ARHGEF10: variants seen among roughly 807,000 people sequenced by gnomAD.
ARHGEF10 encodes Rho guanine nucleotide exchange factor (GEF) 10.
Under a neutral mutation model 147.4 loss-of-function variants are expected in ARHGEF10, and 140 were observed. The ratio of observed to expected loss-of-function variants is 0.95; its 90% CI spans 0.83 to 1.09. ARHGEF10 has a LOEUF of 1.09. Ranked by LOEUF, ARHGEF10 falls within the 50% of genes least tolerant of loss-of-function variation. ARHGEF10 has a pLI of 0.00. For synonymous variants in ARHGEF10, 902 were observed against 695.8 expected, an observed-to-expected ratio of 1.30 and a Z score of -4.67; for missense variants, 2,222 against 1,752.7, an observed-to-expected ratio of 1.27 and a Z score of -4.78.
chr8:1,935,591 C>T (rs1329794523), intron 26 of ARHGEF10, among the ~76,000 whole-genome samples: 2 of 152,170 alleles, frequency 1.3e-5, no homozygotes, highest in Non-Finnish European at 2.9e-5. Flanking sequence ...TAGGGCAGCC[C>T]CTCCGGAGGG....
In ARHGEF10 at chr8:1,885,540, T is replaced by C. The variant is rs566719512; in HGVS notation, c.1076-61T>C. Reference sequence around the variant, plus strand: ...TTTATTTGACTTTTTTTTACTGTACTGTAGTGTTGTGAATATATTATTTGA... The same window carrying C: ...TTTATTTGACTTTTTTTTACTGTACCGTAGTGTTGTGAATATATTATTTGA... On this transcript the variant is annotated intron_variant, in intron 10 of 28. Transcript: ENST00000349830. 1.2e-4 allele frequency: 144 copies of C among 1,178,600 alleles called. 3 individuals carry two copies. The South Asian group carries it at 1.7e-3, about 14-fold the overall frequency. The allele number at this position is 1,178,600 out of a possible 1,614,324, so 73.0% of individuals were successfully genotyped here.
At chr8:1,912,971 G>A (rs776389205) in intron 18 of ARHGEF10, among the ~76,000 whole-genome samples, 4 of 152,270 alleles carry the variant, frequency 2.6e-5, no homozygotes, top group South Asian at 2.1e-4. Flanking sequence ...CTCACGTTGC[G>A]CTCCATCCTG....
At chr8:1,834,583 C>T (rs958048381) in intron 1 of ARHGEF10, among the ~76,000 whole-genome samples, 1 of 152,202 alleles carries the variant, frequency 6.6e-6, no homozygotes, top group African/African-American at 2.4e-5. Context: ...CCCTCCTTCC[C>T]TCCCTCTGTC....
At chr8:1,855,098 T>C (rs1323441996) in intron 2 of ARHGEF10, among the ~76,000 whole-genome samples, 8 of 152,182 alleles carry the variant, frequency 5.3e-5, no homozygotes, top group Admixed American at 3.3e-4. Context: ...TCCTTCTTCC[T>C]GTATGGGGTA....
intron 21 of ARHGEF10, 122 bp from the exon 22 acceptor site, chr8:1,925,161 C>T (rs139175483): frequency 9.3e-6 from 11 of 1,184,366 alleles, no homozygotes; most frequent in Non-Finnish European, 1.2e-5. Flanking sequence ...TAAAACATGG[C>T]GTTGTCTGGC....
chr8:1,918,891 C>T (rs770079823), intron 18 of ARHGEF10, among the ~76,000 whole-genome samples: 3 of 149,290 alleles, frequency 2.0e-5, no homozygotes, highest in Non-Finnish European at 4.4e-5. Context: ...GGTGATGGAG[C>T]TATTCTGTAA....
At chr8:1,866,404 C>CATAT (rs376913717) in intron 5 of ARHGEF10, 122 bp from the exon 6 acceptor site, 23 of 714,530 alleles carry the variant, frequency 3.2e-5, no homozygotes, top group Non-Finnish European at 5.2e-5. Flanking sequence ...TGTATAGTAA[C>CATAT]ATATATATAT....
intron 15 of ARHGEF10, among the ~76,000 whole-genome samples, chr8:1,902,242 A>T (rs977301132): frequency 1.3e-5 from 2 of 151,702 alleles, no homozygotes; most frequent in African/African-American, 4.9e-5. Context: ...TCTGAGAAAG[A>T]GTGTTTCAAG....
At chr8:1,826,084 TACGGATGC>T in intron 1 of ARHGEF10, 1 of 1,592,200 alleles carries the variant, frequency 6.3e-7, no homozygotes, top group Non-Finnish European at 8.5e-7. Context: ...CATCGGCAGT[TACGGATGC>T]ATAACTCTTT....
At chr8:1,856,536 C>T (rs969242145) in intron 2 of ARHGEF10, among the ~76,000 whole-genome samples, 5 of 152,162 alleles carry the variant, frequency 3.3e-5, no homozygotes, top group South Asian at 2.1e-4. Flanking sequence ...GTTTTTAGAC[C>T]GCTAGAGTTC....
intron 28 of ARHGEF10, among the ~76,000 whole-genome samples, 176 bp downstream of exon 28, chr8:1,953,003 AT>A (rs1815180225): frequency 6.6e-6 from 1 of 152,164 alleles, no homozygotes; most frequent in Admixed American, 6.5e-5. Context: ...CAATTTATAT[AT>A]TTTTCCATTT....
Position 1,865,521 on chromosome 8 carries a change from C to T in ARHGEF10, c.546-1005C>T, listed in dbSNP as rs1181383576. 4.0e-5 allele frequency among the ~76,000 whole-genome samples: 6 copies of T among 151,530 alleles called. 1 individual carries two copies. The highest frequency in any genetic ancestry group is 8.8e-5 in the Non-Finnish European group (6 of 67,830). On this transcript the variant is annotated intron_variant, in intron 5 of 28. Transcript: ENST00000349830. ...GGGCATCCCCCAGCACCCATGAGGC[C>T]GTCACCAGGACACAGGGCGTCCCCC...
intron 4 of ARHGEF10, among the ~76,000 whole-genome samples, chr8:1,861,998 G>A (rs73542433): frequency 0.012 from 1,901 of 152,290 alleles, 39 homozygotes; most frequent in African/African-American, 0.044. Context: ...TCAACCTAGA[G>A]CCAGTAATAA....
At chr8:1,940,946 A>G (rs777365696) in intron 26 of ARHGEF10, among the ~76,000 whole-genome samples, 2 of 152,256 alleles carry the variant, frequency 1.3e-5, no homozygotes, top group Non-Finnish European at 2.9e-5. Context: ...AAAACAATCA[A>G]ACTAAGACTA....
Position 1,860,196 on chromosome 8 carries a change from C to A in ARHGEF10, c.481+12C>A, listed in dbSNP as rs773003509. 6.2e-7 allele frequency: 1 copy of A among 1,610,388 alleles called. No homozygotes were observed. The highest frequency in any genetic ancestry group is 2.2e-5 in the East Asian group (1 of 44,858). On this transcript the variant is annotated intron_variant, in intron 4 of 28. Transcript: ENST00000349830. ...CCTGGACGAAGAAGGTACTGCTACC[C>A]TCCTCTCCACGCCCCCGAAGTGGCC... is the stretch of plus-strand genomic sequence containing the variant.
In ARHGEF10 at chr8:1,864,454, C is replaced by A. The variant is rs762964505; in HGVS notation, c.545+18C>A. The stretch of plus-strand genomic sequence containing the variant: ...CCAACCAGGTATCTGCATCCGTCTT[C>A]CCACACCTGCTGAATTCCCGCCTTT... On this transcript the variant is annotated intron_variant, in intron 5 of 28. Coordinates refer to ENST00000349830, the MANE Select transcript of ARHGEF10 (RefSeq NM_014629.4). The A allele has an allele frequency of 1.7e-5, 28 of 1,610,740 alleles. No individual in the cohort carries two copies. The Middle Eastern group carries it at 6.6e-4, about 38-fold the overall frequency.
chr8:1,862,878 A>G (rs1245888669), intron 4 of ARHGEF10, among the ~76,000 whole-genome samples: 1 of 145,892 alleles, frequency 6.9e-6, no homozygotes, highest in Non-Finnish European at 1.5e-5. Flanking sequence ...TCCCGGGTTC[A>G]CACCGTTCTC....
At chr8:1,946,942 A>G (rs1042033122) in intron 27 of ARHGEF10, among the ~76,000 whole-genome samples, 2 of 152,240 alleles carry the variant, frequency 1.3e-5, no homozygotes, top group African/African-American at 4.8e-5. Context: ...AGTCATTGTT[A>G]AAATACTACA....
chr8:1,956,632 A>G (rs1290053081), intron 28 of ARHGEF10, 117 bp from the exon 29 acceptor site: 3 of 1,054,842 alleles, frequency 2.8e-6, no homozygotes, highest in African/African-American at 3.1e-5. Context: ...AGTTACTTAC[A>G]GGCTTTGTTA....
Sources: allele counts gnomAD v4.1 joint callset (sites outside exome capture counted in the v4.1 genomes callset), GRCh38; gene constraint gnomAD v4.1.1; transcripts MANE v1.5; gene names NCBI Gene and HGNC (gene_info 2026-07-23, HGNC 2026-07-21).